GALNT17: variants seen among roughly 807,000 people sequenced by gnomAD.
GALNT17 encodes the protein polypeptide N-acetylgalactosaminyltransferase 17.
A neutral mutation model predicts 63.7 loss-of-function variants in GALNT17; 29 were observed. The observed-to-expected ratio is 0.46, with a 90% CI of 0.34 to 0.62. The LOEUF (loss-of-function observed/expected upper bound fraction) is 0.62. Among genes scored for constraint, GALNT17 ranks in the 20% least tolerant of loss-of-function variants. The pLI, the probability that GALNT17 is intolerant of heterozygous loss-of-function variation, is 0.01. For missense variants in GALNT17, 603 were observed against 799.6 expected (o/e 0.75, Z 2.97); for synonymous variants, 305 against 318.3 (o/e 0.96, Z 0.45).
chr7:71,560,792 AC>A (rs928078287), intron 5 of GALNT17, among the ~76,000 whole-genome samples: 1 of 152,126 alleles, frequency 6.6e-6, no homozygotes, highest in African/African-American at 2.4e-5. Context: ...AGCCTGTAAA[AC>A]AGGCTGATTG....
intron 2 of GALNT17, among the ~76,000 whole-genome samples, chr7:71,369,413 A>G (rs901991087): frequency 5.9e-5 from 9 of 152,162 alleles, no homozygotes; most frequent in African/African-American, 9.7e-5. Flanking sequence ...CAATAGCCCA[A>G]AGTGTGAGGA....
At chr7:71,224,145 C>G (rs1789638897) in intron 1 of GALNT17, among the ~76,000 whole-genome samples, 1 of 152,110 alleles carries the variant, frequency 6.6e-6, no homozygotes, top group Admixed American at 6.5e-5. Context: ...ACCTCTGCCT[C>G]CTGGGTTCAA....
chr7:71,512,855 C>T (rs1231434421), intron 5 of GALNT17, among the ~76,000 whole-genome samples: 5 of 152,162 alleles, frequency 3.3e-5, no homozygotes, highest in South Asian at 4.1e-4. Context: ...AGGCCCAGGT[C>T]GGCTGTCAAG....
chr7:71,641,280 G>A (rs906499936), intron 6 of GALNT17, among the ~76,000 whole-genome samples: 31 of 152,160 alleles, frequency 2.0e-4, no homozygotes, highest in African/African-American at 5.8e-4. Context: ...GAATGAATTT[G>A]GTCACATAAC....
intron 6 of GALNT17, among the ~76,000 whole-genome samples, chr7:71,661,878 C>T (rs1032925736): frequency 3.4e-4 from 52 of 152,318 alleles, no homozygotes; most frequent in African/African-American, 1.2e-3. Context: ...GTCTCTGCCA[C>T]ACAGGACAGA....
At chr7:71,338,281 A>G (rs1791946968) in intron 2 of GALNT17, among the ~76,000 whole-genome samples, 1 of 151,904 alleles carries the variant, frequency 6.6e-6, no homozygotes, top group Non-Finnish European at 1.5e-5. Flanking sequence ...GAGCCAAGAT[A>G]GTGCCACTGC....
intron 1 of GALNT17, among the ~76,000 whole-genome samples, chr7:71,232,467 G>A (rs546013555): frequency 5.3e-5 from 8 of 152,168 alleles, no homozygotes; most frequent in African/African-American, 1.9e-4. Context: ...CACAGATATA[G>A]GGCATAGGAA....
chr7:71,286,907 C>G (rs1790884551), intron 1 of GALNT17, among the ~76,000 whole-genome samples: 1 of 151,698 alleles, frequency 6.6e-6, no homozygotes, highest in South Asian at 2.1e-4. Flanking sequence ...CCTCCCATCT[C>G]AGCCTACTGA....
rs541929065 is a variant in GALNT17 at position 71,296,358 on chromosome 7, A to G, written c.239-39192A>G. 2.0e-5 allele frequency among the ~76,000 whole-genome samples: 3 copies of G among 152,322 alleles called. No homozygotes were observed. In the East Asian group the frequency reaches 5.8e-4, roughly 29 times the overall value. The stretch of plus-strand genomic sequence containing the variant: ...GGCCTTTGCAGTGACTCACGCCTGT[A>G]ATCCCAGCACTTTGGGAGGCTGAGG... On this transcript the variant is annotated intron_variant, in intron 1 of 10. Coordinates refer to ENST00000333538, the MANE Select transcript of GALNT17 (RefSeq NM_022479.3).
intron 5 of GALNT17, among the ~76,000 whole-genome samples, chr7:71,446,392 A>C (rs752199691): frequency 2.0e-5 from 3 of 152,246 alleles, no homozygotes; most frequent in Non-Finnish European, 4.4e-5. Flanking sequence ...ACCAATGTTA[A>C]TATTTCATGA....
intron 9 of GALNT17, among the ~76,000 whole-genome samples, chr7:71,693,356 T>C (rs503001): frequency 0.99 from 140,948 of 142,844 alleles, 69,562 homozygotes; most frequent in East Asian, 1. Context: ...TGTGAGATCC[T>C]GGGTTGGATC....
rs545797239 is a variant in GALNT17, at chr7:71,533,827, T to C, written c.963-37458T>C. The stretch of plus-strand genomic sequence containing the variant: ...ATGGAAGGCTGCTCCCAAATCCATC[T>C]CCCTAACCAACTAAAGTCAGGGGTT... On this transcript the variant is annotated intron_variant, in intron 5 of 10. Transcript: ENST00000333538. 3.3e-5 allele frequency among the ~76,000 whole-genome samples: 5 copies of C among 152,166 alleles called. No individual in the cohort carries two copies. The South Asian group carries it at 8.3e-4, about 25-fold the overall frequency.
At chr7:71,359,666 C>T (rs62462208) in intron 2 of GALNT17, among the ~76,000 whole-genome samples, 12,613 of 151,998 alleles carry the variant, frequency 0.083, 669 homozygotes, top group Non-Finnish European at 0.12. Context: ...TCACTGCAAC[C>T]TCCACCTTCT....
intron 1 of GALNT17, among the ~76,000 whole-genome samples, chr7:71,180,210 C>G (rs902757969): frequency 6.6e-6 from 1 of 152,062 alleles, no homozygotes; most frequent in African/African-American, 2.4e-5. Context: ...AGTGCAACCT[C>G]TGCCTCCCGG....
At chr7:71,378,752 C>T (rs1012367753) in intron 2 of GALNT17, among the ~76,000 whole-genome samples, 3 of 151,268 alleles carry the variant, frequency 2.0e-5, no homozygotes, top group South Asian at 4.2e-4. Context: ...GGAAGGTGTA[C>T]GAGGAAGAAT....
intron 5 of GALNT17, among the ~76,000 whole-genome samples, chr7:71,485,792 C>T (rs1308270886): frequency 6.6e-6 from 1 of 152,206 alleles, no homozygotes; most frequent in African/African-American, 2.4e-5. Context: ...GTAATCCATC[C>T]TCTGAAATCC....
chr7:71,278,476 C>G (rs1790720681), intron 1 of GALNT17, among the ~76,000 whole-genome samples: 1 of 152,212 alleles, frequency 6.6e-6, no homozygotes, highest in African/African-American at 2.4e-5. Flanking sequence ...TGGCTTGTAG[C>G]TGCATTACTC....
intron 6 of GALNT17, among the ~76,000 whole-genome samples, chr7:71,613,314 G>T (rs1790151892): frequency 6.6e-6 from 1 of 152,182 alleles, no homozygotes; most frequent in African/African-American, 2.4e-5. Context: ...TGGCAATGAG[G>T]ATTTTCTGTT....
intron 1 of GALNT17, among the ~76,000 whole-genome samples, chr7:71,279,297 G>A (rs1162781958): frequency 6.6e-6 from 1 of 151,788 alleles, no homozygotes; most frequent in Non-Finnish European, 1.5e-5. Flanking sequence ...GAGCAAAAGG[G>A]GGAAAACCTC....
Sources: allele counts gnomAD v4.1 joint callset (sites outside exome capture counted in the v4.1 genomes callset), GRCh38; gene constraint gnomAD v4.1.1; transcripts MANE v1.5; gene names NCBI Gene and HGNC (gene_info 2026-07-23, HGNC 2026-07-21).